Variants in PHF14 observed in about 807,000 individuals in gnomAD.
The protein encoded by PHF14 is PHD finger protein 14.
PHF14 carries 55 observed loss-of-function variants against 117.9 expected under a neutral mutation model. That is an observed-to-expected ratio of 0.47 (90% CI 0.38 to 0.58). The LOEUF (loss-of-function observed/expected upper bound fraction) is 0.58. Ranked by LOEUF, PHF14 falls within the 20% of genes least tolerant of loss-of-function variation. The pLI, the probability that PHF14 is intolerant of heterozygous loss-of-function variation, is 0.00. For synonymous variants in PHF14, 409 were observed against 368.6 expected, an observed-to-expected ratio of 1.11 and a Z score of -1.26; for missense variants, 978 against 1,122.2, an observed-to-expected ratio of 0.87 and a Z score of 1.84.
At chr7:11,020,710 G>T (rs1783705433) in intron 5 of PHF14, among the ~76,000 whole-genome samples, 1 of 151,892 alleles carries the variant, frequency 6.6e-6, no homozygotes, top group Non-Finnish European at 1.5e-5. Context: ...TAAAATTCTA[G>T]ATTTAGTAAG....
intron 13 of PHF14, among the ~76,000 whole-genome samples, chr7:11,044,298 C>T (rs546821342): frequency 3.3e-5 from 5 of 151,896 alleles, no homozygotes; most frequent in Non-Finnish European, 5.9e-5. Context: ...TGTGCATATA[C>T]CCCCTGATCT....
intron 16 of PHF14, among the ~76,000 whole-genome samples, chr7:11,069,953 G>A (rs1163620824): frequency 6.6e-6 from 1 of 151,756 alleles, no homozygotes; most frequent in African/African-American, 2.4e-5. Flanking sequence ...TGTTTTTAAA[G>A]CATTTGTTTA....
intron 13 of PHF14, among the ~76,000 whole-genome samples, chr7:11,048,281 A>T (rs1784742530): frequency 6.6e-6 from 1 of 152,108 alleles, no homozygotes; most frequent in Non-Finnish European, 1.5e-5. Context: ...TTAAAATATT[A>T]TTTGATTTCA....
intron 4 of PHF14, among the ~76,000 whole-genome samples, chr7:10,998,006 C>T (rs922222655): frequency 6.6e-6 from 1 of 152,036 alleles, no homozygotes; most frequent in African/African-American, 2.4e-5. Flanking sequence ...ACCACATGTG[C>T]AGAGATTATA....
intron 4 of PHF14, among the ~76,000 whole-genome samples, chr7:10,996,152 A>G (rs1017611762): frequency 2.6e-5 from 4 of 152,206 alleles, no homozygotes; most frequent in South Asian, 2.1e-4. Flanking sequence ...GGTTTGATTC[A>G]TGTTTTGGAA....
intron 16 of PHF14, among the ~76,000 whole-genome samples, chr7:11,097,268 C>T (rs527418173): frequency 6.4e-4 from 97 of 152,208 alleles, no homozygotes; most frequent in African/African-American, 2.2e-3. Context: ...CGCGAGCCAC[C>T]GTGCCCAGCC....
chr7:10,997,416 G>T (rs1782698354), intron 4 of PHF14, among the ~76,000 whole-genome samples: 1 of 152,106 alleles, frequency 6.6e-6, no homozygotes, highest in South Asian at 2.1e-4. Flanking sequence ...TTGAGGGAGG[G>T]TTTTTTTCTT....
At chr7:11,139,221 TA>T (rs1788334214) in intron 17 of PHF14, among the ~76,000 whole-genome samples, 1 of 152,074 alleles carries the variant, frequency 6.6e-6, no homozygotes, top group Admixed American at 6.5e-5. Context: ...TTTACAGATT[TA>T]TTAAAAAACA....
intron 16 of PHF14, chr7:11,063,800 T>G (rs1785323770): frequency 1.9e-6 from 1 of 517,420 alleles, no homozygotes; most frequent in African/African-American, 2.1e-5. Flanking sequence ...CTTCTAATTT[T>G]GATAAGATTT....
In PHF14 at chr7:11,016,684, G is replaced by A. The variant is rs563916571; in HGVS notation, c.1205+2778G>A. 1.9e-3 allele frequency among the ~76,000 whole-genome samples: 287 copies of A among 152,210 alleles called. 1 individual carries two copies. Among genetic ancestry groups the A allele is most frequent in the Admixed American group, 3.5e-3 (53 of 15,294 alleles). On this transcript the variant is annotated intron_variant, in intron 5 of 17. Coordinates refer to ENST00000634607, the MANE Select transcript of PHF14 (RefSeq NM_001007157.2). ...GATACAGGCATGCAATGTGAAATAA[G>A]CACATCATGGAGAATGGGGTATCCA... is the stretch of plus-strand genomic sequence containing the variant.
chr7:11,028,153 C>T (rs1185799658), intron 6 of PHF14, among the ~76,000 whole-genome samples: 1 of 152,098 alleles, frequency 6.6e-6, no homozygotes, highest in Non-Finnish European at 1.5e-5. Context: ...ATGCTTGGAA[C>T]ATTTACATTA....
chr7:11,150,226 T>C (rs982596502), intron 17 of PHF14, among the ~76,000 whole-genome samples: 3 of 152,146 alleles, frequency 2.0e-5, no homozygotes, highest in African/African-American at 7.2e-5. Flanking sequence ...CCAAGAGAGC[T>C]ACAATACGCA....
intron 17 of PHF14, among the ~76,000 whole-genome samples, chr7:11,125,341 A>C (rs1208944951): frequency 6.6e-6 from 1 of 152,122 alleles, no homozygotes; most frequent in Non-Finnish European, 1.5e-5. Context: ...TCATTTGTGT[A>C]GTGTCAGCTA....
At chr7:11,122,669 G>A (rs1787811489) in intron 17 of PHF14, among the ~76,000 whole-genome samples, 1 of 151,592 alleles carries the variant, frequency 6.6e-6, no homozygotes, top group Non-Finnish European at 1.5e-5. Context: ...CTTTTTCTGG[G>A]AATATCAGAT....
chr7:11,131,363 T>G (rs1788086147), intron 17 of PHF14, among the ~76,000 whole-genome samples: 1 of 151,952 alleles, frequency 6.6e-6, no homozygotes, highest in Admixed American at 6.6e-5. Context: ...CATTCTAGCA[T>G]GTGGGAAGTA....
chr7:11,027,235 G>A (rs1056137599), intron 6 of PHF14, among the ~76,000 whole-genome samples: 8 of 151,784 alleles, frequency 5.3e-5, no homozygotes, highest in Admixed American at 2.0e-4. Context: ...TATCTCTCTT[G>A]CTCAATCTCA....
At position 10,973,997 on chromosome 7, in the gene PHF14, A is replaced by C. The variant is rs536359493; in HGVS notation, c.-327A>C. ...AGGCTAATAAAGTTTTTCTTTCTTT[A>C]ATTTTTTTTCTTCTAGTTTTAACGG... On this transcript the variant is annotated 5_prime_UTR_variant, in exon 1 of 18. Coordinates refer to ENST00000634607, the MANE Select transcript of PHF14 (RefSeq NM_001007157.2). 4 of 285,728 alleles carry C rather than the reference A, an allele frequency of 1.4e-5. No homozygotes were observed. In the South Asian group the frequency reaches 2.4e-4, roughly 17 times the overall value. 17.7% of individuals were successfully genotyped at this position (285,728 alleles called of 1,614,324 possible).
intron 17 of PHF14, among the ~76,000 whole-genome samples, chr7:11,148,165 C>T (rs1301185644): frequency 6.6e-6 from 1 of 152,150 alleles, no homozygotes; most frequent in Non-Finnish European, 1.5e-5. Context: ...TATTTGTGTT[C>T]TTTCCTAATT....
intron 2 of PHF14, among the ~76,000 whole-genome samples, chr7:10,981,002 G>A (rs1416012247): frequency 6.6e-6 from 1 of 152,072 alleles, no homozygotes. Flanking sequence ...TTGTGAGATT[G>A]ATAATGATTT....
Sources: gnomAD v4.1 joint callset for allele counts (sites outside exome capture counted in the v4.1 genomes callset) on GRCh38, gnomAD v4.1.1 for gene constraint, MANE v1.5 for transcripts, NCBI Gene and HGNC (gene_info 2026-07-23, HGNC 2026-07-21) for gene names.